The following GRIK4 variants were observed in gnomAD, a reference collection of about 807,000 sequenced individuals.
GRIK4 encodes the protein glutamate receptor ionotropic, kainate 4.
A neutral mutation model predicts 104.9 loss-of-function variants in GRIK4; 40 were observed. The ratio of observed to expected loss-of-function variants is 0.38; its 90% CI spans 0.30 to 0.50. The LOEUF (loss-of-function observed/expected upper bound fraction) is 0.50, where lower values mean the gene tolerates loss of function less well. Among genes scored for constraint, GRIK4 ranks in the 20% least tolerant of loss-of-function variants. The probability of loss-of-function intolerance (pLI) is 0.93; values close to 1 mark genes in which losing one functional copy is unlikely to be tolerated. For synonymous variants in GRIK4, 485 were observed against 524.9 expected, an observed-to-expected ratio of 0.92 and a Z score of 1.04; for missense variants, 1,047 against 1,308.1, an observed-to-expected ratio of 0.80 and a Z score of 3.08.
At chr11:120,975,763 A>T (rs1944551664) in intron 19 of GRIK4, among the ~76,000 whole-genome samples, 1 of 152,150 alleles carries the variant, frequency 6.6e-6, no homozygotes, top group Non-Finnish European at 1.5e-5. Flanking sequence ...CCCCTGCAGC[A>T]TGAGTGGATG....
At chr11:120,795,628 A>T (rs1170535937) in intron 3 of GRIK4, among the ~76,000 whole-genome samples, 2 of 152,248 alleles carry the variant, frequency 1.3e-5, no homozygotes, top group East Asian at 3.8e-4. Context: ...GAAAAGATAG[A>T]CAAATCAGCA....
chr11:120,806,224 T>C (rs1239555181), intron 4 of GRIK4, among the ~76,000 whole-genome samples: 2 of 152,126 alleles, frequency 1.3e-5, no homozygotes, highest in Non-Finnish European at 2.9e-5. Context: ...CCCTCTCTCT[T>C]GTTTCAAGGT....
intron 3 of GRIK4, among the ~76,000 whole-genome samples, chr11:120,682,458 C>G (rs539042230): frequency 6.6e-6 from 1 of 152,254 alleles, no homozygotes; most frequent in South Asian, 2.1e-4. Context: ...GCTCTTGATG[C>G]TTTTTCTTTC....
chr11:120,858,431 C>T (rs1333155085), intron 8 of GRIK4: 1 of 152,118 alleles, frequency 6.6e-6, no homozygotes, highest in Non-Finnish European at 1.5e-5. Flanking sequence ...TGAAGCACGC[C>T]ACTGCCAGGC....
chr11:120,969,940 C>T (rs1944447192), intron 19 of GRIK4, among the ~76,000 whole-genome samples: 1 of 152,148 alleles, frequency 6.6e-6, no homozygotes, highest in East Asian at 1.9e-4. Flanking sequence ...ACAGAGCACT[C>T]AATGCACTAT....
At chr11:120,699,178 G>A (rs895475945) in intron 3 of GRIK4, among the ~76,000 whole-genome samples, 3 of 152,038 alleles carry the variant, frequency 2.0e-5, no homozygotes, top group Admixed American at 2.0e-4. Flanking sequence ...GGCAAGGCGA[G>A]GCCAGCACAC....
intron 14 of GRIK4, among the ~76,000 whole-genome samples, chr11:120,946,388 CA>C (rs1340899741): frequency 2.0e-5 from 3 of 152,184 alleles, no homozygotes; most frequent in Admixed American, 1.3e-4. Flanking sequence ...TTGCTGGGTG[CA>C]GTGGCGCATG....
intron 1 of GRIK4, among the ~76,000 whole-genome samples, chr11:120,597,616 G>T: frequency 6.6e-6 from 1 of 152,222 alleles, no homozygotes; most frequent in Non-Finnish European, 1.5e-5. Flanking sequence ...TCAGCCGTGC[G>T]CTTTGCCAGA....
At chr11:120,644,278 A>G (rs567291260) in intron 1 of GRIK4, among the ~76,000 whole-genome samples, 1 of 152,312 alleles carries the variant, frequency 6.6e-6, no homozygotes, top group East Asian at 1.9e-4. Flanking sequence ...TGCTAGATTA[A>G]ATGTGTGGAT....
At chr11:120,870,871 C>G (rs1190432086) in intron 9 of GRIK4, 2 of 152,254 alleles carry the variant, frequency 1.3e-5, no homozygotes, top group Non-Finnish European at 2.9e-5. Context: ...CTCAGCCTCC[C>G]GAGTAGCTGG....
intron 3 of GRIK4, among the ~76,000 whole-genome samples, chr11:120,754,359 G>A (rs577578087): frequency 2.2e-4 from 33 of 152,172 alleles, no homozygotes; most frequent in Admixed American, 8.5e-4. Flanking sequence ...GGCCTTTTGT[G>A]TCTGGCATTC....
chr11:120,666,084 T>C (rs1949909728), intron 3 of GRIK4, among the ~76,000 whole-genome samples: 1 of 152,226 alleles, frequency 6.6e-6, no homozygotes, highest in Admixed American at 6.5e-5. Context: ...AAGGAATTGG[T>C]GAATGCCCTT....
chr11:120,737,415 A>G (rs1169726747), intron 3 of GRIK4, among the ~76,000 whole-genome samples: 1 of 152,220 alleles, frequency 6.6e-6, no homozygotes, highest in East Asian at 1.9e-4. Flanking sequence ...TGAAGTGCAT[A>G]GCTTTGGCTA....
chr11:120,978,810 A>G (rs938717836), intron 19 of GRIK4, among the ~76,000 whole-genome samples: 2 of 152,210 alleles, frequency 1.3e-5, no homozygotes, highest in African/African-American at 2.4e-5. Context: ...CCCCGGGCCA[A>G]TCAAAGGAGA....
chr11:120,639,493 A>G (rs1949443136), intron 1 of GRIK4, among the ~76,000 whole-genome samples: 1 of 152,008 alleles, frequency 6.6e-6, no homozygotes, highest in Non-Finnish European at 1.5e-5. Flanking sequence ...TGGGGAAGTC[A>G]TTCCCCTGTC....
Position 120,522,450 on chromosome 11 carries a change from T to G in GRIK4, c.-159+10563T>G, listed in dbSNP as rs187970578. On this transcript the variant is annotated intron_variant, in intron 1 of 20. Transcript: ENST00000527524. ...GATTCTCCTGCCTCAGCCTCCTGAG[T>G]AGCTGGGTCTACAGGTGTGTACCAC... Among the ~76,000 whole-genome samples the G allele has an allele frequency of 9.5e-4, 145 of 152,228 alleles. 1 individual carries two copies. The highest frequency in any genetic ancestry group is 3.3e-3 in the African/African-American group (137 of 41,530).
At chr11:120,917,450 T>C (rs1943135703) in intron 13 of GRIK4, among the ~76,000 whole-genome samples, 1 of 151,686 alleles carries the variant, frequency 6.6e-6, no homozygotes. Flanking sequence ...GACCGGGCGG[T>C]AAAAGGCAAG....
At chr11:120,728,778 A>G (rs1033063789) in intron 3 of GRIK4, among the ~76,000 whole-genome samples, 1 of 152,156 alleles carries the variant, frequency 6.6e-6, no homozygotes, top group African/African-American at 2.4e-5. Context: ...AAACTCTTTT[A>G]GTTATTTTTA....
At chr11:120,543,330 C>T (rs1948055255) in intron 1 of GRIK4, among the ~76,000 whole-genome samples, 1 of 152,142 alleles carries the variant, frequency 6.6e-6, no homozygotes, top group Non-Finnish European at 1.5e-5. Context: ...GTAATCCCAG[C>T]ACTTTTCTGA....
Sources: allele counts gnomAD v4.1 joint callset (sites outside exome capture counted in the v4.1 genomes callset), GRCh38; gene constraint gnomAD v4.1.1; transcripts MANE v1.5; gene names NCBI Gene and HGNC (gene_info 2026-07-23, HGNC 2026-07-21).